The following OGFOD1 variants were observed in gnomAD, a reference collection of about 807,000 sequenced individuals.
The protein encoded by OGFOD1 is 2-oxoglutarate and iron dependent oxygenase domain containing 1, also known as prolyl 3-hydroxylase OGFOD1.
A neutral mutation model predicts 67.7 loss-of-function variants in OGFOD1; 54 were observed. The observed-to-expected ratio is 0.80, with a 90% CI of 0.64 to 1.00. The LOEUF (loss-of-function observed/expected upper bound fraction) is 1.00. Ranked by LOEUF, OGFOD1 falls within the 50% of genes least tolerant of loss-of-function variation. The pLI, the probability that OGFOD1 is intolerant of heterozygous loss-of-function variation, is 0.00. For missense variants in OGFOD1, 606 were observed against 646.7 expected (o/e 0.94, Z 0.68); for synonymous variants, 221 against 227.0 (o/e 0.97, Z 0.24).
Position 56,470,093 on chromosome 16 carries a change from T to G in OGFOD1, c.980+11T>G, listed in dbSNP as rs371276228. On this transcript the variant is annotated intron_variant, in intron 9 of 12. Coordinates refer to ENST00000566157, the MANE Select transcript of OGFOD1 (RefSeq NM_018233.4). ...TCCCCCTAACAAAAGGTAGAACCCG[T>G]CATCTGAGATATTTGCTTCTACATT... is the stretch of plus-strand genomic sequence containing the variant. The G allele has an allele frequency of 8.1e-6, 13 of 1,610,636 alleles. No individual in the cohort carries two copies. In the African/African-American group the frequency reaches 1.6e-4, roughly 20 times the overall value.
intron 4 of OGFOD1, among the ~76,000 whole-genome samples, chr16:56,463,022 T>C (rs1962765723): frequency 6.6e-6 from 1 of 152,190 alleles, no homozygotes; most frequent in Non-Finnish European, 1.5e-5. Flanking sequence ...GAATGCATTC[T>C]TAAAGGAAAA....
At chr16:56,475,089 G>T in intron 11 of OGFOD1, 139 bp downstream of exon 11, 1 of 841,344 alleles carries the variant, frequency 1.2e-6, no homozygotes, top group Non-Finnish European at 1.8e-6. Context: ...AAAGTCAAAG[G>T]GATTTTACGG....
intron 5 of OGFOD1, 52 bp from the exon 6 acceptor site, chr16:56,466,824 C>A: frequency 2.2e-6 from 3 of 1,338,956 alleles, no homozygotes; most frequent in Non-Finnish European, 3.2e-6. Flanking sequence ...TAAAATGAGG[C>A]AGGCTGGAAG....
intron 2 of OGFOD1, among the ~76,000 whole-genome samples, chr16:56,457,536 ATTATGTGGATAATTGTG>A: frequency 6.6e-6 from 1 of 152,340 alleles, no homozygotes; most frequent in East Asian, 1.9e-4. Context: ...AGAAATTGAA[ATTATGTGGATAATTGTG>A]TTATGTGGAT....
At chr16:56,463,515 C>T (rs150436743) in intron 4 of OGFOD1, among the ~76,000 whole-genome samples, 3,669 of 150,202 alleles carry the variant, frequency 0.024, 180 homozygotes, top group African/African-American at 0.085. Context: ...CTCCACCTCC[C>T]GGGTTCAAGT....
chr16:56,467,877 C>T (rs1267844786), intron 7 of OGFOD1, 28 bp from the exon 8 acceptor site: 3 of 1,056,792 alleles, frequency 2.8e-6, no homozygotes, highest in African/African-American at 3.1e-5. Flanking sequence ...TATTAACTCA[C>T]ATTTTGCATC....
intron 3 of OGFOD1, chr16:56,458,987 G>C (rs1000208322): frequency 5.4e-6 from 1 of 186,286 alleles, no homozygotes; most frequent in Non-Finnish European, 1.1e-5. Context: ...GGTTTTGAAA[G>C]ATGTATCAGA....
Position 56,470,683 on chromosome 16 carries a change from A to G in OGFOD1, c.1177A>G (p.Ser393Gly), listed in dbSNP as rs776994437. 1 of 1,614,222 alleles carries G rather than the reference A, an allele frequency of 6.2e-7. No homozygotes were observed. Among genetic ancestry groups the G allele is most frequent in the East Asian group, 2.2e-5 (1 of 44,874 alleles). The change falls in exon 10 of 13, where the codon AGC becomes GGC. Residue 393 changes from serine to glycine, a missense_variant. Coordinates refer to ENST00000566157, the MANE Select transcript of OGFOD1 (RefSeq NM_018233.4). ...CACTGATATCACTGAAGAAGGGACTAGCCATAGTCCTCCTGAGCCAGAGAA... is the reference window on the plus strand; with the variant it reads ...CACTGATATCACTGAAGAAGGGACTGGCCATAGTCCTCCTGAGCCAGAGAA... ...ETTDITEEGT[S>G]HSPPEPENNQ... is the part of the protein sequence containing the mutation.
intron 6 of OGFOD1, 40 bp from the exon 7 acceptor site, chr16:56,467,125 T>TA: frequency 6.2e-7 from 1 of 1,613,618 alleles, no homozygotes; most frequent in Non-Finnish European, 8.5e-7. Flanking sequence ...GTAATCCCCC[T>TA]ATTCTTCGTG....
intron 8 of OGFOD1, among the ~76,000 whole-genome samples, chr16:56,468,618 C>A (rs556660695): frequency 6.6e-6 from 1 of 151,778 alleles, no homozygotes; most frequent in Non-Finnish European, 1.5e-5. Flanking sequence ...CCCAGCTACT[C>A]AGGAGGCTGA....
rs1297026943 is a variant in OGFOD1 at position 56,470,725 on chromosome 16, A to T, written c.1219A>T (p.Ser407Cys). The change falls in exon 10 of 13, where the codon AGC becomes TGC. Residue 407 changes from serine (S) to cysteine (C), a missense_variant. Transcript: ENST00000566157. ...GCCAGAGAATAATCAGATGGCCATC[A>T]GCAACAACAGCCAACAGAGCAATGA... ...PEPENNQMAI[S>C]NNSQQSNEQT... 10 of 1,613,872 alleles carry T rather than the reference A, an allele frequency of 6.2e-6. No homozygotes were observed. Among genetic ancestry groups the T allele is most frequent in the Middle Eastern group, 1.6e-4 (1 of 6,084 alleles).
At chr16:56,454,644 T>C (rs1267943261) in intron 2 of OGFOD1, 4 of 321,544 alleles carry the variant, frequency 1.2e-5, no homozygotes, top group Non-Finnish European at 2.4e-5. Context: ...GTGCTTCAAA[T>C]TGGGGGGGGA....
rs1293890660 is a variant in OGFOD1 at position 56,478,595 on chromosome 16, G to A, written c.*2390G>A. 6.6e-6 allele frequency: 1 copy of A among 152,238 alleles called. No homozygotes were observed. The highest frequency in any genetic ancestry group is 2.4e-5 in the African/African-American group (1 of 41,452). 9.4% of individuals were successfully genotyped at this position (152,238 alleles called of 1,614,324 possible). A position where few individuals can be genotyped will look rare whatever the true frequency, so the allele number is the denominator to read the frequency against. ...GAAAAGTGCTTGGGTAGGTGAAACT[G>A]TCATGTGTGCCAAGCTTGGAAAATA... is the stretch of plus-strand genomic sequence containing the variant. On this transcript the variant is annotated 3_prime_UTR_variant, in exon 13 of 13. Transcript: ENST00000566157.
intron 8 of OGFOD1, among the ~76,000 whole-genome samples, 153 bp from the exon 9 acceptor site, chr16:56,469,850 C>CAAA (rs751278368): frequency 1.4e-3 from 73 of 53,134 alleles, no homozygotes; most frequent in Non-Finnish European, 1.5e-3. Flanking sequence ...AACTCCATCT[C>CAAA]AAAAAAAAAA....
At chr16:56,466,315 G>T (rs766898584) in intron 5 of OGFOD1, 47 bp downstream of exon 5, 1 of 1,194,930 alleles carries the variant, frequency 8.4e-7, no homozygotes, top group South Asian at 1.2e-5. Context: ...TGGCACTTCT[G>T]AGTTAAAGCT....
At position 56,476,279 on chromosome 16, in the gene OGFOD1, G is replaced by A. The variant is rs1963473360; in HGVS notation, c.*74G>A. On this transcript the variant is annotated 3_prime_UTR_variant, in exon 13 of 13. Coordinates refer to ENST00000566157, the MANE Select transcript of OGFOD1 (RefSeq NM_018233.4). The stretch of plus-strand genomic sequence containing the variant: ...GAAGTCTGAAAGAGCTAAGCATGGA[G>A]TCAAGGAGAACTACATGGTAGCTTG... 10 of 1,420,606 alleles carry A rather than the reference G, an allele frequency of 7.0e-6. No homozygotes were observed. The South Asian group carries it at 1.1e-4, about 15-fold the overall frequency. The allele number at this position is 1,420,606 out of a possible 1,614,324, so 88.0% of individuals were successfully genotyped here. A position where few individuals can be genotyped will look rare whatever the true frequency, so the allele number is the denominator to read the frequency against.
intron 3 of OGFOD1, among the ~76,000 whole-genome samples, chr16:56,461,747 TG>T (rs1403742522): frequency 6.6e-6 from 1 of 152,136 alleles, no homozygotes; most frequent in Non-Finnish European, 1.5e-5. Flanking sequence ...AATTGGTCAG[TG>T]TGGGGGGATA....
At position 56,471,953 on chromosome 16, in the gene OGFOD1, CTGTT is replaced by C. The variant is rs35730390; in HGVS notation, c.1285+1184_1285+1187del. Among the ~76,000 whole-genome samples, 450 of 151,498 alleles carry C rather than the reference CTGTT, an allele frequency of 3.0e-3. 1 individual carries two copies. The highest frequency in any genetic ancestry group is 5.5e-3 in the Admixed American group (84 of 15,242). On this transcript the variant is annotated intron_variant, in intron 10 of 12. Transcript: ENST00000566157. ...GATTTTTTAAAAAACTTATCCACTT[CTGTT>C]TGTTTGTTTGTTTGTTTGTTTTGAG...
chr16:56,471,117 G>A (rs542618711), intron 10 of OGFOD1, among the ~76,000 whole-genome samples: 27 of 151,852 alleles, frequency 1.8e-4, no homozygotes, highest in African/African-American at 5.8e-4. Context: ...TTTTGGAGGC[G>A]GAGGCAGTCT....
Sources: gnomAD v4.1 joint callset for allele counts (sites outside exome capture counted in the v4.1 genomes callset) on GRCh38, gnomAD v4.1.1 for gene constraint, MANE v1.5 for transcripts, NCBI Gene and HGNC (gene_info 2026-07-23, HGNC 2026-07-21) for gene names.